The following ADAMTSL1 variants were observed in gnomAD, a reference collection of about 807,000 sequenced individuals.
ADAMTSL1 encodes the protein ADAMTS like 1, also known as ADAMTS-like protein 1.
Under a neutral mutation model 201.8 loss-of-function variants are expected in ADAMTSL1, and 126 were observed. That is an observed-to-expected ratio of 0.62 (90% CI 0.54 to 0.72). The LOEUF (loss-of-function observed/expected upper bound fraction) is 0.72, where lower values mean the gene tolerates loss of function less well. Among genes scored for constraint, ADAMTSL1 ranks in the 30% least tolerant of loss-of-function variants. The probability of loss-of-function intolerance (pLI) is 0.00; values close to 1 mark genes in which losing one functional copy is unlikely to be tolerated. For synonymous variants in ADAMTSL1, 1,121 were observed against 903.4 expected, an observed-to-expected ratio of 1.24 and a Z score of -4.32; for missense variants, 2,679 against 2,277.8, an observed-to-expected ratio of 1.18 and a Z score of -3.59.
intron 2 of ADAMTSL1, among the ~76,000 whole-genome samples, chr9:18,298,306 T>G (rs906736012): frequency 6.6e-6 from 1 of 152,122 alleles, no homozygotes; most frequent in Non-Finnish European, 1.5e-5. Flanking sequence ...ATACGGCCCA[T>G]GAGTCTTACA....
intron 4 of ADAMTSL1, among the ~76,000 whole-genome samples, chr9:18,576,959 C>G (rs76583141): frequency 1.0e-3 from 159 of 152,170 alleles, no homozygotes; most frequent in African/African-American, 3.7e-3. Context: ...TTCAAAACTC[C>G]TATTCTTTCC....
chr9:18,146,174 TAGAA>T (rs1203125643), intron 1 of ADAMTSL1, among the ~76,000 whole-genome samples: 4 of 152,288 alleles, frequency 2.6e-5, no homozygotes, highest in African/African-American at 9.6e-5. Context: ...GGCAGTTTCT[TAGAA>T]AGCTCAAAAT....
At chr9:17,985,960 T>C (rs1000753353) in intron 1 of ADAMTSL1, among the ~76,000 whole-genome samples, 1 of 152,142 alleles carries the variant, frequency 6.6e-6, no homozygotes, top group Non-Finnish European at 1.5e-5. Context: ...CCTCTAACAC[T>C]AATTAAGACA....
chr9:18,344,674 A>G (rs1450838465), intron 2 of ADAMTSL1, among the ~76,000 whole-genome samples: 1 of 152,166 alleles, frequency 6.6e-6, no homozygotes, highest in African/African-American at 2.4e-5. Context: ...CCCTTTGGCC[A>G]TTAACATTGA....
intron 2 of ADAMTSL1, among the ~76,000 whole-genome samples, chr9:18,186,781 G>T (rs900210487): frequency 1.3e-5 from 2 of 151,806 alleles, no homozygotes; most frequent in Non-Finnish European, 2.9e-5. Flanking sequence ...TGGTCATGCT[G>T]GGAAATTATT....
At chr9:18,671,058 T>C (rs890184561) in intron 9 of ADAMTSL1, among the ~76,000 whole-genome samples, 1 of 152,202 alleles carries the variant, frequency 6.6e-6, no homozygotes. Context: ...TAGGGAATAA[T>C]GGTGAGAGAA....
intron 2 of ADAMTSL1, among the ~76,000 whole-genome samples, chr9:18,425,488 C>T (rs1317516085): frequency 6.6e-6 from 1 of 152,158 alleles, no homozygotes; most frequent in Non-Finnish European, 1.5e-5. Flanking sequence ...TCCAAGAGCA[C>T]TTCAAATGTC....
At chr9:18,620,726 C>T (rs1393482454) in intron 4 of ADAMTSL1, among the ~76,000 whole-genome samples, 2 of 152,154 alleles carry the variant, frequency 1.3e-5, no homozygotes, top group Non-Finnish European at 2.9e-5. Context: ...CTACACTGAA[C>T]CCATAGGGAT....
At chr9:18,281,684 A>T (rs1175839242) in intron 2 of ADAMTSL1, among the ~76,000 whole-genome samples, 1 of 152,248 alleles carries the variant, frequency 6.6e-6, no homozygotes, top group African/African-American at 2.4e-5. Flanking sequence ...GGGCTCAGAC[A>T]ACCTGTTCCG....
intron 23 of ADAMTSL1, among the ~76,000 whole-genome samples, chr9:18,874,292 T>C (rs10116475): frequency 0.1 from 15,511 of 152,186 alleles, 874 homozygotes; most frequent in Middle Eastern, 0.21. Flanking sequence ...CTTTCTTTTC[T>C]TTCTCTTGTC....
At chr9:18,189,186 C>T (rs536478283) in intron 2 of ADAMTSL1, among the ~76,000 whole-genome samples, 16 of 152,276 alleles carry the variant, frequency 1.1e-4, no homozygotes, top group African/African-American at 3.8e-4. Context: ...TTGTGTACTG[C>T]TTCCAACTGA....
At chr9:18,784,431 G>C (rs1821582479) in intron 19 of ADAMTSL1, among the ~76,000 whole-genome samples, 1 of 152,214 alleles carries the variant, frequency 6.6e-6, no homozygotes, top group African/African-American at 2.4e-5. Flanking sequence ...ACGATTAGGA[G>C]GGAGGTTTTC....
At chr9:18,509,940 A>G (rs1349707276) in intron 2 of ADAMTSL1, among the ~76,000 whole-genome samples, 1 of 152,226 alleles carries the variant, frequency 6.6e-6, no homozygotes, top group East Asian at 1.9e-4. Flanking sequence ...AGGCATCTAA[A>G]TTCAGTTCAG....
At chr9:18,203,605 G>T (rs1342814088) in intron 2 of ADAMTSL1, among the ~76,000 whole-genome samples, 1 of 151,836 alleles carries the variant, frequency 6.6e-6, no homozygotes, top group Non-Finnish European at 1.5e-5. Flanking sequence ...TGATTATATA[G>T]TTTATGTGCA....
At chr9:18,121,441 G>C (rs1302016925) in intron 1 of ADAMTSL1, among the ~76,000 whole-genome samples, 1 of 152,182 alleles carries the variant, frequency 6.6e-6, no homozygotes, top group South Asian at 2.1e-4. Flanking sequence ...CCCTAAAGGG[G>C]AAGCCTTGAA....
chr9:18,723,305 T>C (rs907687353), intron 15 of ADAMTSL1: 2 of 569,340 alleles, frequency 3.5e-6, no homozygotes, highest in African/African-American at 1.9e-5. Context: ...TATTTGCCAT[T>C]ATTTGAAAAA....
chr9:18,482,689 G>T (rs1821788920), intron 1 of ADAMTSL1, among the ~76,000 whole-genome samples: 1 of 152,172 alleles, frequency 6.6e-6, no homozygotes, highest in Non-Finnish European at 1.5e-5. Context: ...TGATTTCTCA[G>T]CCTCCTTTGC....
intron 7 of ADAMTSL1, among the ~76,000 whole-genome samples, chr9:18,645,708 G>A (rs1827762903): frequency 6.8e-6 from 1 of 146,634 alleles, no homozygotes; most frequent in African/African-American, 2.6e-5. Flanking sequence ...TAGATATGCA[G>A]CATTATTTCT....
intron 23 of ADAMTSL1, among the ~76,000 whole-genome samples, chr9:18,870,310 T>C (rs1325604362): frequency 1.3e-5 from 2 of 152,230 alleles, no homozygotes; most frequent in African/African-American, 4.8e-5. Context: ...TTGAACATTA[T>C]AGATGTACGG....
Sources: allele counts gnomAD v4.1 joint callset (sites outside exome capture counted in the v4.1 genomes callset), GRCh38; gene constraint gnomAD v4.1.1; transcripts MANE v1.5; gene names NCBI Gene and HGNC (gene_info 2026-07-23, HGNC 2026-07-21).